The following WARS2 variants were observed in gnomAD, a reference collection of about 807,000 sequenced individuals.
The protein encoded by WARS2 is tryptophanyl tRNA synthetase 2, mitochondrial.
In WARS2, 28 loss-of-function variants were observed where a neutral mutation model predicts 36.5. The ratio of observed to expected loss-of-function variants is 0.77; its 90% confidence interval spans 0.57 to 1.05. The LOEUF is 1.05. WARS2 is among the 50% of genes least tolerant of loss of function. WARS2 has a pLI of 0.00. For synonymous variants in WARS2, 174 were observed against 178.4 expected, an observed-to-expected ratio of 0.98 and a Z score of 0.20; for missense variants, 435 against 456.8, an observed-to-expected ratio of 0.95 and a Z score of 0.44.
chr1:119,134,754 C>G (rs587681090), intron 1 of WARS2, among the ~76,000 whole-genome samples: 1 of 152,166 alleles, frequency 6.6e-6, no homozygotes, highest in Non-Finnish European at 1.5e-5. Flanking sequence ...TGTGGCTGAG[C>G]AGCTTCTACC....
At chr1:119,075,952 A>T (rs1259981994) in intron 2 of WARS2, among the ~76,000 whole-genome samples, 4 of 152,224 alleles carry the variant, frequency 2.6e-5, no homozygotes, top group African/African-American at 7.2e-5. Context: ...ACATCTAATA[A>T]AGCAACATTG....
intron 1 of WARS2, among the ~76,000 whole-genome samples, chr1:119,102,664 A>C (rs910841810): frequency 6.6e-6 from 1 of 152,096 alleles, no homozygotes; most frequent in Non-Finnish European, 1.5e-5. Flanking sequence ...CTCTTCCCAA[A>C]TATTCCTTTA....
intron 1 of WARS2, among the ~76,000 whole-genome samples, chr1:119,125,970 A>G (rs1432960231): frequency 2.6e-5 from 4 of 152,238 alleles, no homozygotes; most frequent in Non-Finnish European, 1.5e-5. Context: ...TATTCTACTC[A>G]GTCTGCAACC....
chr1:119,040,169 C>T (rs1648229931), intron 4 of WARS2, among the ~76,000 whole-genome samples: 1 of 152,160 alleles, frequency 6.6e-6, no homozygotes, highest in Non-Finnish European at 1.5e-5. Flanking sequence ...ACAAAATGTA[C>T]ATTAGCAGAA....
chr1:119,136,778 G>C (rs4600087), intron 1 of WARS2, among the ~76,000 whole-genome samples: 150,823 of 152,362 alleles, frequency 0.99, 74,668 homozygotes, highest in Middle Eastern at 1. Flanking sequence ...TAAATCTTAC[G>C]ATCCTAATTC....
In WARS2 at chr1:119,045,601, T is replaced by A; in HGVS notation, c.410A>T (p.Gln137Leu). Residue 137 changes from glutamine to leucine, a missense_variant, in exon 3 of 6, where the codon CAA (glutamine) becomes CTA (leucine). By Grantham distance (113) the Gln-to-Leu change is moderately radical. Transcript: ENST00000235521. The stretch of plus-strand genomic sequence containing the variant: ...ATTTACCTTCCACTGATGTAAATGT[T>A]GTAATCGAGGTAGTCTGACCATGCA... ...LSCMVRLPRL[Q>L]HLHQWKAKTT... 1 of 1,594,652 alleles carries A rather than the reference T, an allele frequency of 6.3e-7. No homozygotes were observed. Among genetic ancestry groups the A allele is most frequent in the Non-Finnish European group, 8.6e-7 (1 of 1,167,242 alleles).
chr1:119,039,137 C>T (rs187010119), intron 4 of WARS2, among the ~76,000 whole-genome samples: 52 of 152,262 alleles, frequency 3.4e-4, no homozygotes, highest in African/African-American at 1.0e-3. Flanking sequence ...ATAATGCCAC[C>T]CACTTATTTC....
intron 1 of WARS2, among the ~76,000 whole-genome samples, chr1:119,094,075 CAT>C (rs1653251114): frequency 6.6e-6 from 1 of 152,176 alleles, no homozygotes; most frequent in Non-Finnish European, 1.5e-5. Context: ...GGGCTATAAT[CAT>C]AGATGAAGTT....
intron 1 of WARS2, chr1:119,085,123 C>G (rs1571336565): frequency 2.6e-6 from 2 of 782,456 alleles, no homozygotes; most frequent in East Asian, 2.4e-5. Flanking sequence ...TCAGAACGCC[C>G]GTTGTACGGG....
At chr1:119,054,605 G>A (rs138071567) in intron 2 of WARS2, among the ~76,000 whole-genome samples, 22 of 152,226 alleles carry the variant, frequency 1.4e-4, no homozygotes, top group African/African-American at 5.1e-4. Flanking sequence ...GTACACTCAT[G>A]CCCAAAACAG....
At chr1:119,049,697 C>A (rs1649173681) in intron 2 of WARS2, among the ~76,000 whole-genome samples, 2 of 152,226 alleles carry the variant, frequency 1.3e-5, no homozygotes, top group South Asian at 4.1e-4. Flanking sequence ...AACTCCAACT[C>A]TGCAGTTGCT....
At chr1:119,063,119 A>C (rs1321169333) in intron 2 of WARS2, 2 of 153,058 alleles carry the variant, frequency 1.3e-5, no homozygotes, top group Non-Finnish European at 2.9e-5. Context: ...AGGTGGTCTC[A>C]GATGGAGATG....
intron 1 of WARS2, among the ~76,000 whole-genome samples, chr1:119,089,874 A>C (rs1404394187): frequency 6.6e-6 from 1 of 152,216 alleles, no homozygotes; most frequent in Non-Finnish European, 1.5e-5. Context: ...CTAACCCAGG[A>C]ACAGAAAACC....
At position 119,136,206 on chromosome 1, in the gene WARS2, T is replaced by C. The variant is rs587655422; in HGVS notation, c.90+4349A>G. Among the ~76,000 whole-genome samples, 11 of 152,294 alleles carry C rather than the reference T, an allele frequency of 7.2e-5. No homozygotes were observed. The South Asian group carries it at 2.3e-3, about 32-fold the overall frequency. On this transcript the variant is annotated intron_variant, in intron 1 of 5. Transcript: ENST00000235521. The stretch of plus-strand genomic sequence containing the variant: ...CTGTAACTTGCAGTCATTCGAAAGA[T>C]ATACTGAGCAAGAATTTGGAGGTCA...
intron 2 of WARS2, among the ~76,000 whole-genome samples, chr1:119,049,579 T>C (rs1649162846): frequency 6.6e-6 from 1 of 152,118 alleles, no homozygotes; most frequent in East Asian, 1.9e-4. Context: ...ATTCAGCCTC[T>C]CTATCTGGAT....
At chr1:119,066,469 C>A (rs1382532087) in intron 2 of WARS2, among the ~76,000 whole-genome samples, 1 of 123,758 alleles carries the variant, frequency 8.1e-6, no homozygotes. Flanking sequence ...CAGAGAGAGG[C>A]TCTGTCTCAA....
chr1:119,100,964 C>T (rs1653815030), intron 1 of WARS2, among the ~76,000 whole-genome samples: 1 of 152,082 alleles, frequency 6.6e-6, no homozygotes, highest in Non-Finnish European at 1.5e-5. Flanking sequence ...CACCAAAAGA[C>T]AAACATCCCA....
At chr1:119,094,568 G>A (rs917149783) in intron 1 of WARS2, among the ~76,000 whole-genome samples, 1 of 151,744 alleles carries the variant, frequency 6.6e-6, no homozygotes, top group African/African-American at 2.4e-5. Flanking sequence ...AAATGTTATT[G>A]TATATATTTA....
chr1:119,103,036 T>C (rs911107855), intron 1 of WARS2, among the ~76,000 whole-genome samples: 2 of 152,228 alleles, frequency 1.3e-5, no homozygotes, highest in Non-Finnish European at 2.9e-5. Context: ...TCTACTTTTT[T>C]TTCTGCTACA....
Sources: allele counts gnomAD v4.1 joint callset (sites outside exome capture counted in the v4.1 genomes callset), GRCh38; gene constraint gnomAD v4.1.1; transcripts MANE v1.5; gene names NCBI Gene and HGNC (gene_info 2026-07-23, HGNC 2026-07-21).